The following CDK8 variants were observed in gnomAD, a reference collection of about 807,000 sequenced individuals.
The protein encoded by CDK8 is cyclin-dependent kinase 8.
In CDK8, 29 loss-of-function variants were observed where a neutral mutation model predicts 71.5. The ratio of observed to expected loss-of-function variants is 0.41; its 90% CI spans 0.30 to 0.55. CDK8 has a LOEUF of 0.55. CDK8 is among the 20% of genes least tolerant of loss of function. The pLI is 0.37. For synonymous variants in CDK8, 161 were observed against 192.1 expected, an observed-to-expected ratio of 0.84 and a Z score of 1.34; for missense variants, 288 against 572.6, an observed-to-expected ratio of 0.50 and a Z score of 5.07.
chr13:26,304,853 A>C (rs2137921593), intron 1 of CDK8, among the ~76,000 whole-genome samples: 1 of 152,008 alleles, frequency 6.6e-6, no homozygotes, highest in South Asian at 2.1e-4. Flanking sequence ...TATTTTATAG[A>C]GATGAGGGTC....
intron 4 of CDK8, among the ~76,000 whole-genome samples, chr13:26,376,666 T>A (rs920432002): frequency 4.6e-5 from 7 of 152,178 alleles, no homozygotes; most frequent in African/African-American, 1.7e-4. Context: ...TTTGTGTCAG[T>A]GAAAATAGAA....
chr13:26,400,480 A>G lies in CDK8; in HGVS notation c.961A>G (p.Ile321Val), dbSNP rs1452469268. Residue 321 changes from isoleucine to valine, a missense_variant, in exon 10 of 13, where the codon ATA becomes GTA. Around this residue, in one of 6 missense-constraint regions of CDK8, gnomAD observed 96 missense variants for 229.8 expected, o/e 0.42. Coordinates refer to ENST00000381527, the MANE Select transcript of CDK8 (RefSeq NM_001260.3). Reference sequence around the variant, plus strand: ...TCAGAAGCTGCTTACCATGGACCCAATAAAGCGAATTACCTCAGAACAGGC... The same window carrying G: ...TCAGAAGCTGCTTACCATGGACCCAGTAAAGCGAATTACCTCAGAACAGGC... ...LLQKLLTMDP[I>V]KRITSEQAMQ... 3.1e-6 allele frequency: 5 copies of G among 1,612,994 alleles called. No individual in the cohort carries two copies. The highest frequency in any genetic ancestry group is 1.3e-5 in the African/African-American group (1 of 74,886).
chr13:26,324,598 G>A (rs574444424), intron 1 of CDK8, among the ~76,000 whole-genome samples: 29 of 152,094 alleles, frequency 1.9e-4, no homozygotes, highest in Non-Finnish European at 3.8e-4. Context: ...CTATGAAATA[G>A]CAGGAAATAC....
At chr13:26,274,522 C>T (rs1458182851) in intron 1 of CDK8, among the ~76,000 whole-genome samples, 1 of 151,744 alleles carries the variant, frequency 6.6e-6, no homozygotes, top group Non-Finnish European at 1.5e-5. Flanking sequence ...AGCTCTGCCT[C>T]TTGGGTTCAT....
At chr13:26,359,210 G>A (rs1874025750) in intron 4 of CDK8, among the ~76,000 whole-genome samples, 1 of 152,096 alleles carries the variant, frequency 6.6e-6, no homozygotes, top group Non-Finnish European at 1.5e-5. Flanking sequence ...GTGGTTGCCA[G>A]GGCTGAGGGG....
intron 1 of CDK8, among the ~76,000 whole-genome samples, chr13:26,267,580 T>A (rs562649716): frequency 5.3e-5 from 8 of 152,290 alleles, no homozygotes; most frequent in African/African-American, 1.9e-4. Context: ...TGGAAAAAAA[T>A]TTAAATATGT....
rs1227344754 is a variant in CDK8 at position 26,336,550 on chromosome 13, C to CTTTTTT, written c.129-1001_129-996dup. Reference sequence around the variant, plus strand: ...TCAGATGGCATTTTCTCTGAGGAGTCTTTTTTTTTTTTTTTTTTTTTGAGA... The same window carrying CTTTTTT: ...TCAGATGGCATTTTCTCTGAGGAGTCTTTTTTTTTTTTTTTTTTTTTTTTTTTGAGA... On this transcript the variant is annotated intron_variant, in intron 1 of 12. Coordinates refer to ENST00000381527, the MANE Select transcript of CDK8 (RefSeq NM_001260.3). Among the ~76,000 whole-genome samples, 388 of 121,174 alleles carry CTTTTTT rather than the reference C, an allele frequency of 3.2e-3. 9 individuals are homozygous for CTTTTTT. Among genetic ancestry groups the CTTTTTT allele is most frequent in the African/African-American group, 0.012 (378 of 31,096 alleles). 79.5% of individuals were successfully genotyped at this position (121,174 alleles called of 152,430 possible). A position where few individuals can be genotyped will look rare whatever the true frequency, so the allele number is the denominator to read the frequency against.
chr13:26,347,867 G>T (rs1873524761), intron 2 of CDK8, among the ~76,000 whole-genome samples: 1 of 152,120 alleles, frequency 6.6e-6, no homozygotes, highest in Non-Finnish European at 1.5e-5. Context: ...TGGTACAGCT[G>T]CAAGTTTGGT....
chr13:26,335,823 T>C (rs1255789371), intron 1 of CDK8, among the ~76,000 whole-genome samples: 1 of 152,128 alleles, frequency 6.6e-6, no homozygotes, highest in Non-Finnish European at 1.5e-5. Flanking sequence ...CTTGTAACTG[T>C]TCTGTCTGCC....
intron 1 of CDK8, among the ~76,000 whole-genome samples, chr13:26,299,054 A>G (rs1350619823): frequency 6.6e-6 from 1 of 152,344 alleles, no homozygotes; most frequent in Non-Finnish European, 1.5e-5. Flanking sequence ...TTGAACTACC[A>G]TAAAGGCTAA....
At chr13:26,375,468 A>G (rs1211616851) in intron 4 of CDK8, among the ~76,000 whole-genome samples, 1 of 152,202 alleles carries the variant, frequency 6.6e-6, no homozygotes, top group Non-Finnish European at 1.5e-5. Context: ...TTGCAAATGG[A>G]AATGCAAAAT....
At chr13:26,390,355 C>T (rs1374976973) in intron 6 of CDK8, among the ~76,000 whole-genome samples, 1 of 152,180 alleles carries the variant, frequency 6.6e-6, no homozygotes, top group African/African-American at 2.4e-5. Flanking sequence ...ACGCATCAAA[C>T]TCACATATGC....
chr13:26,324,563 C>T (rs1023155614), intron 1 of CDK8, among the ~76,000 whole-genome samples: 3 of 151,940 alleles, frequency 2.0e-5, no homozygotes, highest in South Asian at 2.1e-4. Flanking sequence ...ATGTTTCAGG[C>T]CAAGTAGAAA....
intron 1 of CDK8, among the ~76,000 whole-genome samples, chr13:26,283,767 G>A (rs557419054): frequency 1.1e-4 from 17 of 151,542 alleles, no homozygotes; most frequent in African/African-American, 2.7e-4. Flanking sequence ...CCGTGGTGGC[G>A]TGCGCCTATA....
At chr13:26,393,340 C>G in intron 6 of CDK8, 27 bp from the exon 7 acceptor site, 1 of 1,114,682 alleles carries the variant, frequency 9.0e-7, no homozygotes, top group Non-Finnish European at 1.2e-6. Context: ...ATTTTTCTTT[C>G]TTTTTTTTTT....
intron 4 of CDK8, among the ~76,000 whole-genome samples, chr13:26,360,306 A>G (rs1035270242): frequency 7.9e-5 from 12 of 152,142 alleles, no homozygotes; most frequent in Admixed American, 5.9e-4. Context: ...AAGAAAATTG[A>G]AACACATTGT....
intron 2 of CDK8, among the ~76,000 whole-genome samples, chr13:26,346,879 CAA>C (rs1179344091): frequency 6.6e-6 from 1 of 152,124 alleles, no homozygotes; most frequent in South Asian, 2.1e-4. Flanking sequence ...TCAAAGCCCC[CAA>C]TATAGTGTTA....
intron 1 of CDK8, chr13:26,324,940 T>C (rs1037622920): frequency 1.1e-5 from 2 of 185,154 alleles, no homozygotes; most frequent in Non-Finnish European, 2.0e-5. Context: ...AAATATTTTT[T>C]TAAGCTCTGC....
chr13:26,400,625 T>A, intron 10 of CDK8, 75 bp downstream of exon 10: 1 of 881,564 alleles, frequency 1.1e-6, no homozygotes, highest in African/African-American at 1.6e-5. Context: ...TGTCAGCTCT[T>A]AAGTTGCTCC....
Sources: gnomAD v4.1 joint callset for allele counts (sites outside exome capture counted in the v4.1 genomes callset) on GRCh38, gnomAD v4.1.1 for gene constraint, gnomAD v4.1.1 regional missense constraint, MANE v1.5 for transcripts, NCBI Gene and HGNC (gene_info 2026-07-23, HGNC 2026-07-21) for gene names.